MAP7: variants seen among roughly 807,000 people sequenced by gnomAD.
The protein encoded by MAP7 is microtubule associated protein 7.
MAP7 carries 52 observed loss-of-function variants against 94.8 expected under a neutral mutation model. The observed-to-expected ratio is 0.55, with a 90% confidence interval of 0.44 to 0.69. MAP7 has a LOEUF of 0.69. Ranked by LOEUF, MAP7 falls within the 30% of genes least tolerant of loss-of-function variation. The pLI is 0.00. For synonymous variants in MAP7, 350 were observed against 357.0 expected (o/e 0.98, Z 0.22); for missense variants, 940 against 964.6 (o/e 0.97, Z 0.34).
At chr6:136,427,865 T>C (rs1310816610) in intron 1 of MAP7, among the ~76,000 whole-genome samples, 1 of 152,236 alleles carries the variant, frequency 6.6e-6, no homozygotes, top group Non-Finnish European at 1.5e-5. Flanking sequence ...TGACAATGAC[T>C]GAAAGTCACT....
intron 16 of MAP7, among the ~76,000 whole-genome samples, chr6:136,352,246 G>A (rs1220979119): frequency 6.6e-6 from 1 of 151,438 alleles, no homozygotes; most frequent in Non-Finnish European, 1.5e-5. Context: ...GGAGTGCAGG[G>A]GCATGATCAA....
intron 16 of MAP7, among the ~76,000 whole-genome samples, chr6:136,356,271 A>G (rs913700806): frequency 3.3e-5 from 5 of 152,112 alleles, no homozygotes; most frequent in African/African-American, 9.7e-5. Flanking sequence ...GGCTCATGCA[A>G]TCTTCCTACC....
At chr6:136,380,703 A>G (rs1404760846) in intron 6 of MAP7, among the ~76,000 whole-genome samples, 1 of 152,264 alleles carries the variant, frequency 6.6e-6, no homozygotes, top group East Asian at 1.9e-4. Context: ...GCAATTACAG[A>G]AACCTTTCAT....
At chr6:136,470,793 G>A (rs573518003) in intron 1 of MAP7, among the ~76,000 whole-genome samples, 1 of 151,960 alleles carries the variant, frequency 6.6e-6, no homozygotes, top group East Asian at 1.9e-4. Context: ...TGAAGATCTA[G>A]TTGTTCTACC....
intron 3 of MAP7, among the ~76,000 whole-genome samples, chr6:136,401,008 C>T (rs1783912371): frequency 6.6e-6 from 1 of 152,112 alleles, no homozygotes; most frequent in East Asian, 1.9e-4. Flanking sequence ...CATGGTGCAC[C>T]CTAACTCAAC....
intron 1 of MAP7, among the ~76,000 whole-genome samples, chr6:136,493,978 A>T (rs1415246421): frequency 6.6e-6 from 1 of 152,214 alleles, no homozygotes; most frequent in Non-Finnish European, 1.5e-5. Context: ...CTCAGGTTAT[A>T]AGTAATTACA....
intron 5 of MAP7, 111 bp from the exon 6 acceptor site, chr6:136,383,892 G>C: frequency 1.5e-6 from 1 of 673,730 alleles, no homozygotes; most frequent in East Asian, 3.0e-5. Flanking sequence ...TCTATTTCTA[G>C]ATCTGTCATA....
chr6:136,366,058 T>A, intron 9 of MAP7, 40 bp from the exon 10 acceptor site: 1 of 1,582,960 alleles, frequency 6.3e-7, no homozygotes, highest in Non-Finnish European at 8.6e-7. Context: ...AGGGGACACA[T>A]GAGAACAGGC....
chr6:136,454,392 G>A (rs1053287045), intron 1 of MAP7, among the ~76,000 whole-genome samples: 1 of 151,870 alleles, frequency 6.6e-6, no homozygotes, highest in Admixed American at 6.6e-5. Flanking sequence ...CTGTAGCCTT[G>A]ACCGCCTGGG....
chr6:136,372,926 T>C (rs1775003708), intron 7 of MAP7, among the ~76,000 whole-genome samples: 1 of 152,156 alleles, frequency 6.6e-6, no homozygotes, highest in African/African-American at 2.4e-5. Context: ...GTAGAAGTAA[T>C]CCAGTAATTA....
At position 136,345,838 on chromosome 6, in the gene MAP7, A is replaced by G; in HGVS notation, c.2239+18T>C. ...GATATTTCTGATGACTACAGAAGGG[A>G]GTTGGAGGCAAGCTTACCTGCAGTC... On this transcript the variant is annotated intron_variant, in intron 17 of 17. Transcript: ENST00000354570. 1.3e-6 allele frequency: 2 copies of G among 1,590,100 alleles called. No homozygotes were observed. The highest frequency in any genetic ancestry group is 1.7e-6 in the Non-Finnish European group (2 of 1,158,102).
intron 1 of MAP7, among the ~76,000 whole-genome samples, chr6:136,520,470 C>T (rs867536522): frequency 2.6e-5 from 4 of 152,218 alleles, no homozygotes; most frequent in African/African-American, 9.6e-5. Context: ...CATAATGTTC[C>T]ATTTACTCTG....
At chr6:136,438,420 C>T (rs777256810) in intron 1 of MAP7, among the ~76,000 whole-genome samples, 2 of 152,164 alleles carry the variant, frequency 1.3e-5, no homozygotes, top group Non-Finnish European at 2.9e-5. Flanking sequence ...ATGCTCATTC[C>T]TGAGAAAGGG....
intron 3 of MAP7, among the ~76,000 whole-genome samples, chr6:136,391,711 T>A (rs1780825433): frequency 6.6e-6 from 1 of 151,822 alleles, no homozygotes; most frequent in South Asian, 2.1e-4. Flanking sequence ...AATAAGTATT[T>A]ACTGAATGAC....
intron 1 of MAP7, among the ~76,000 whole-genome samples, chr6:136,525,422 C>T (rs1403185350): frequency 6.6e-6 from 1 of 152,156 alleles, no homozygotes; most frequent in Non-Finnish European, 1.5e-5. Flanking sequence ...TCCTTTAAAG[C>T]AGAAACTCAC....
intron 3 of MAP7, among the ~76,000 whole-genome samples, chr6:136,408,987 T>G (rs188204355): frequency 4.3e-4 from 65 of 152,018 alleles, no homozygotes; most frequent in African/African-American, 1.5e-3. Context: ...ATATGCTCAC[T>G]CCTGTATTTA....
chr6:136,348,628 A>G (rs547348722), intron 16 of MAP7, among the ~76,000 whole-genome samples: 2 of 152,218 alleles, frequency 1.3e-5, no homozygotes, highest in African/African-American at 4.8e-5. Flanking sequence ...AAGAATCTGC[A>G]GTCCACACAG....
At position 136,388,379 on chromosome 6, in the gene MAP7, T is replaced by C. The variant is rs2128657715; in HGVS notation, c.526+14A>G. Reference sequence around the variant, plus strand: ...GGAAAATAAAGACTAATTTTCAAAGTGGTCACTGTTTACCTGCACTGTGGA... The same window carrying C: ...GGAAAATAAAGACTAATTTTCAAAGCGGTCACTGTTTACCTGCACTGTGGA... On this transcript the variant is annotated intron_variant, in intron 5 of 17. Coordinates refer to ENST00000354570, the MANE Select transcript of MAP7 (RefSeq NM_003980.6). 6.4e-7 allele frequency: 1 copy of C among 1,570,850 alleles called. No individual in the cohort carries two copies. The highest frequency in any genetic ancestry group is 8.7e-7 in the Non-Finnish European group (1 of 1,146,262).
At chr6:136,453,026 C>CG (rs1801669343) in intron 1 of MAP7, among the ~76,000 whole-genome samples, 3 of 152,138 alleles carry the variant, frequency 2.0e-5, no homozygotes, top group Admixed American at 1.3e-4. Context: ...AAAGTATCTA[C>CG]AAGGTATGCC....
Sources: gnomAD v4.1 joint callset for allele counts (sites outside exome capture counted in the v4.1 genomes callset) on GRCh38, gnomAD v4.1.1 for gene constraint, MANE v1.5 for transcripts, NCBI Gene and HGNC (gene_info 2026-07-23, HGNC 2026-07-21) for gene names.